The following EXOC3 variants were observed in gnomAD, a reference collection of about 807,000 sequenced individuals.
EXOC3 encodes exocyst complex component 3.
EXOC3 carries 21 observed loss-of-function variants against 73.7 expected under a neutral mutation model. The observed-to-expected ratio is 0.29, with a 90% CI of 0.20 to 0.41. The LOEUF is 0.41. EXOC3 is among the 10% of genes least tolerant of loss of function. The pLI is 1.00. For synonymous variants in EXOC3, 410 were observed against 389.1 expected (o/e 1.05, Z -0.63); for missense variants, 842 against 985.1 (o/e 0.85, Z 1.95).
At chr5:463,999 T>G (rs1205466072) in intron 9 of EXOC3, among the ~76,000 whole-genome samples, 2 of 152,276 alleles carry the variant, frequency 1.3e-5, no homozygotes, top group East Asian at 1.9e-4. Context: ...AATTTTTACC[T>G]GAGTGCGCAT....
intron 7 of EXOC3, 134 bp from the exon 8 acceptor site, chr5:461,826 G>T (rs1737994760): frequency 3.1e-6 from 2 of 640,514 alleles, no homozygotes; most frequent in Non-Finnish European, 5.6e-6. Flanking sequence ...TCTAAAGATT[G>T]TTTTATTTTT....
Position 467,065 on chromosome 5 carries a change from G to A in EXOC3, c.*167G>A. The A allele has an allele frequency of 1.5e-6, 1 of 684,384 alleles. No homozygotes were observed. Among genetic ancestry groups the A allele is most frequent in the Non-Finnish European group, 2.4e-6 (1 of 412,410 alleles). The allele number at this position is 684,384 out of a possible 1,614,324, so 42.4% of individuals were successfully genotyped here. A position where few individuals can be genotyped will look rare whatever the true frequency, so the allele number is the denominator to read the frequency against. On this transcript the variant is annotated 3_prime_UTR_variant, in exon 13 of 13. Coordinates refer to ENST00000512944, the MANE Select transcript of EXOC3 (RefSeq NM_007277.5). ...GTGTGCGTCGAGTGAGCGTCCCGAG[G>A]CCACGTGCGGAGGCCCCTCACTGTG... is the stretch of plus-strand genomic sequence containing the variant.
chr5:450,388 G>A (rs1046778153), intron 3 of EXOC3, among the ~76,000 whole-genome samples: 4 of 152,172 alleles, frequency 2.6e-5, no homozygotes, highest in African/African-American at 4.8e-5. Context: ...GTCATCTGTT[G>A]AGTTTGGAGA....
intron 2 of EXOC3, 153 bp from the exon 3 acceptor site, chr5:447,380 C>T (rs1041771656): frequency 1.7e-6 from 1 of 587,530 alleles, no homozygotes; most frequent in African/African-American, 1.9e-5. Flanking sequence ...CAATTAAATC[C>T]TTGTTGATTT....
At chr5:464,773 C>T (rs1040055859) in intron 10 of EXOC3, 4 of 428,396 alleles carry the variant, frequency 9.3e-6, no homozygotes, top group Non-Finnish European at 1.3e-5. Context: ...AAGTGCCTGC[C>T]GCGTTTTCCA....
At chr5:457,559 G>A (rs375505629) in intron 5 of EXOC3, 2 of 264,496 alleles carry the variant, frequency 7.6e-6, no homozygotes, top group Non-Finnish European at 1.5e-5. Flanking sequence ...CTGGGCATGG[G>A]AACAGGCCTG....
rs56184492 is a variant in EXOC3 at position 456,878 on chromosome 5, T to G, written c.1047-11T>G. On this transcript the variant is annotated splice_polypyrimidine_tract_variant and intron_variant, in intron 4 of 12. Transcript: ENST00000512944. The stretch of plus-strand genomic sequence containing the variant: ...CGTGGTTTGTCACTCACATTCCTGG[T>G]TCCCCCATAGTACTGAGATGATGAG... 1 of 1,603,708 alleles carries G rather than the reference T, an allele frequency of 6.2e-7. No homozygotes were observed. Among genetic ancestry groups the G allele is most frequent in the Non-Finnish European group, 8.5e-7 (1 of 1,170,802 alleles).
At chr5:466,056 G>T (rs1662471823) in intron 12 of EXOC3, 1 of 462,648 alleles carries the variant, frequency 2.2e-6, no homozygotes, top group Non-Finnish European at 3.9e-6. Context: ...GTGTGGGTGG[G>T]TGGAGCTCGA....
chr5:456,393 T>C (rs1478216262), intron 4 of EXOC3, among the ~76,000 whole-genome samples: 1 of 75,680 alleles, frequency 1.3e-5, no homozygotes, highest in African/African-American at 6.6e-5. Context: ...CGCCCGTGGC[T>C]GTGGGGGCGG....
Position 447,565 on chromosome 5 carries a change from C to T in EXOC3, c.177C>T (p.Arg59=), listed in dbSNP as rs1737542310. 1 of 1,586,982 alleles carries T rather than the reference C, an allele frequency of 6.3e-7. No homozygotes were observed. The highest frequency in any genetic ancestry group is 8.6e-7 in the Non-Finnish European group (1 of 1,166,580). The change falls in exon 3 of 13, where the codon CGC becomes CGT. Residue 59 remains arginine, a synonymous_variant. Coordinates refer to ENST00000512944, the MANE Select transcript of EXOC3 (RefSeq NM_007277.5). Reference sequence around the variant, plus strand: ...TCCAGTCACAGTTGGACGGGGTGCGCACAGGCCTCAGCCAGCTCCACAACG... The same window carrying T: ...TCCAGTCACAGTTGGACGGGGTGCGTACAGGCCTCAGCCAGCTCCACAACG... ...AAIQSQLDGV[R]TGLSQLHNAL...
chr5:447,815 G>A (rs1246987858), intron 3 of EXOC3, 63 bp downstream of exon 3: 2 of 1,209,362 alleles, frequency 1.7e-6, no homozygotes, highest in Non-Finnish European at 2.3e-6. Context: ...CTCACTGAGT[G>A]CTCTGTGTGC....
intron 5 of EXOC3, 150 bp from the exon 6 acceptor site, chr5:457,750 C>T (rs1293112831): frequency 1.2e-6 from 1 of 818,920 alleles, no homozygotes; most frequent in African/African-American, 1.7e-5. Flanking sequence ...TCCTGGGTCC[C>T]TGCTCTGGAG....
At chr5:462,768 C>A (rs900680333) in intron 9 of EXOC3, among the ~76,000 whole-genome samples, 17 of 152,298 alleles carry the variant, frequency 1.1e-4, no homozygotes, top group African/African-American at 3.6e-4. Context: ...GATGGCTTAA[C>A]ATTATTTAGA....
intron 4 of EXOC3, among the ~76,000 whole-genome samples, chr5:455,024 G>GGTGGCTCTCTGTGCAACC (rs202008001): frequency 3.6e-5 from 2 of 55,410 alleles, no homozygotes; most frequent in East Asian, 9.7e-4. Context: ...TCTGTGCAAT[G>GGTGGCTCTCTGTGCAACC]GTGGCTCTCT....
chr5:458,643 G>A (rs997391993), intron 6 of EXOC3, among the ~76,000 whole-genome samples: 1 of 152,166 alleles, frequency 6.6e-6, no homozygotes, highest in Middle Eastern at 3.2e-3. Flanking sequence ...TTCTTACCAC[G>A]GATTCACTTT....
rs1218843176 is a variant in EXOC3, at chr5:453,708, T to A, written c.703T>A (p.Phe235Ile). The change falls in exon 4 of 13, where the codon TTT becomes ATT. Residue 235 changes from phenylalanine to isoleucine, a missense_variant. Phe to Ile is a conservative substitution (Grantham distance 21). Transcript: ENST00000512944. ...RILDRKKQTG[F>I]VPPGRPKNWK... Reference sequence around the variant, plus strand: ...ACTTGACCGGAAAAAGCAAACTGGCTTTGTTCCTCCTGGGAGGCCCAAGAA... The same window carrying A: ...ACTTGACCGGAAAAAGCAAACTGGCATTGTTCCTCCTGGGAGGCCCAAGAA... 6.2e-7 allele frequency: 1 copy of A among 1,613,930 alleles called. No individual in the cohort carries two copies. The highest frequency in any genetic ancestry group is 8.5e-7 in the Non-Finnish European group (1 of 1,179,898).
chr5:450,004 G>C (rs1180795478), intron 3 of EXOC3, among the ~76,000 whole-genome samples: 1 of 152,210 alleles, frequency 6.6e-6, no homozygotes, highest in Non-Finnish European at 1.5e-5. Flanking sequence ...CCAGCACTTT[G>C]GAAGGCTGAG....
intron 3 of EXOC3, among the ~76,000 whole-genome samples, chr5:450,626 T>G (rs1418508802): frequency 6.6e-6 from 1 of 152,216 alleles, no homozygotes; most frequent in Non-Finnish European, 1.5e-5. Flanking sequence ...GAGAGAGAGA[T>G]ATTGAAGCCT....
Position 462,344 on chromosome 5 carries a change from C to T in EXOC3, c.1653+37C>T, listed in dbSNP as rs371466267. 2.5e-3 allele frequency: 4,048 copies of T among 1,611,532 alleles called. 6 individuals are homozygous for T. The highest frequency in any genetic ancestry group is 3.8e-3 in the Middle Eastern group (23 of 6,060). ...TCTTTCCTCCTGCCGTTTTCTGGGCCGAAGCCCAGTGCTTCCTCACTGCCC... is the reference window on the plus strand; with the variant it reads ...TCTTTCCTCCTGCCGTTTTCTGGGCTGAAGCCCAGTGCTTCCTCACTGCCC... On this transcript the variant is annotated intron_variant, in intron 9 of 12. Coordinates refer to ENST00000512944, the MANE Select transcript of EXOC3 (RefSeq NM_007277.5).
Sources: gnomAD v4.1 joint callset for allele counts (sites outside exome capture counted in the v4.1 genomes callset) on GRCh38, gnomAD v4.1.1 for gene constraint, MANE v1.5 for transcripts, NCBI Gene and HGNC (gene_info 2026-07-23, HGNC 2026-07-21) for gene names.